The following ACYP2 variants were observed in gnomAD, a reference collection of about 807,000 sequenced individuals.
ACYP2 encodes acylphosphatase-2.
In ACYP2, 12 loss-of-function variants were observed where a neutral mutation model predicts 11.2. The ratio of observed to expected loss-of-function variants is 1.08; its 90% confidence interval spans 0.69 to 1.74. The LOEUF (loss-of-function observed/expected upper bound fraction) is 1.74. ACYP2 is among the 40% of genes most tolerant of loss of function. The pLI, the probability that ACYP2 is intolerant of heterozygous loss-of-function variation, is 0.00. For synonymous variants in ACYP2, 43 were observed against 32.2 expected (o/e 1.33, Z -1.13); for missense variants, 134 against 101.9 (o/e 1.31, Z -1.35).
chr2:53,976,348 C>T (rs1573424738), intron 2 of ACYP2, among the ~76,000 whole-genome samples: 1 of 152,182 alleles, frequency 6.6e-6, no homozygotes, highest in East Asian at 1.9e-4. Context: ...GCTGGGACTA[C>T]AGGTGCATGC....
At chr2:54,108,689 G>A (rs1228621679) in intron 4 of ACYP2, among the ~76,000 whole-genome samples, 1 of 152,144 alleles carries the variant, frequency 6.6e-6, no homozygotes, top group African/African-American at 2.4e-5. Flanking sequence ...ATAGCTCATA[G>A]TCTGGGCACA....
At chr2:54,303,502 C>T (rs945884609) in intron 6 of ACYP2, among the ~76,000 whole-genome samples, 1 of 152,106 alleles carries the variant, frequency 6.6e-6, no homozygotes, top group Admixed American at 6.5e-5. Context: ...TGAGTTTTTT[C>T]TTCAACACAT....
At position 54,286,317 on chromosome 2, in the gene ACYP2, A is replaced by G. The variant is rs187858218; in HGVS notation, c.405-18371A>G. Among the ~76,000 whole-genome samples, 283 of 152,150 alleles carry G rather than the reference A, an allele frequency of 1.9e-3. 7 individuals carry two copies. The highest frequency in any genetic ancestry group is 6.7e-3 in the African/African-American group (277 of 41,406). On this transcript the variant is annotated intron_variant, in intron 6 of 6. Transcript: ENST00000607452. ...TGCCCAACATTGTGAGAGAATATCA[A>G]TGCATATTGCTAGCCTGGAAAAAGA...
chr2:54,236,586 T>G (rs558874413), intron 6 of ACYP2, among the ~76,000 whole-genome samples: 1 of 152,336 alleles, frequency 6.6e-6, no homozygotes, highest in South Asian at 2.1e-4. Flanking sequence ...CTTTGGAATT[T>G]GTGGCAATTT....
rs1455051635 is a variant in ACYP2 at position 54,216,302 on chromosome 2, C to A, written c.404+77554C>A. Among the ~76,000 whole-genome samples, 9 of 152,226 alleles carry A rather than the reference C, an allele frequency of 5.9e-5. 1 individual carries two copies. In the East Asian group the frequency reaches 1.7e-3, roughly 29 times the overall value. On this transcript the variant is annotated intron_variant, in intron 6 of 6. Coordinates refer to ENST00000607452, the MANE Select transcript of ACYP2 (RefSeq NM_001320586.2). The stretch of plus-strand genomic sequence containing the variant: ...ATGCTTCAGTTGATGTCTGGTTGAG[C>A]AAAACCCCTCTTTTTCTCAAAGTTT...
intron 6 of ACYP2, among the ~76,000 whole-genome samples, chr2:54,182,743 C>A (rs1483712229): frequency 6.6e-6 from 1 of 152,164 alleles, no homozygotes; most frequent in African/African-American, 2.4e-5. Flanking sequence ...CTGGCAGAGA[C>A]TCCTTGAATT....
At chr2:54,284,900 A>AC (rs1689013029) in intron 6 of ACYP2, among the ~76,000 whole-genome samples, 1 of 152,034 alleles carries the variant, frequency 6.6e-6, no homozygotes, top group Non-Finnish European at 1.5e-5. Context: ...GACTGTTGAG[A>AC]CCCCCTTCTT....
In ACYP2 at chr2:54,076,593, G is replaced by A. The variant is rs987665256; in HGVS notation, c.277+19233G>A. On this transcript the variant is annotated intron_variant, in intron 4 of 6. Transcript: ENST00000607452. ...TATTAACTAGTCTAGAAGTTTAATA[G>A]ATTTTTATATAGAATATCATTTAGA... Among the ~76,000 whole-genome samples, 3 of 152,184 alleles carry A rather than the reference G, an allele frequency of 2.0e-5. No homozygotes were observed. In the East Asian group the frequency reaches 5.8e-4, roughly 29 times the overall value.
intron 6 of ACYP2, among the ~76,000 whole-genome samples, chr2:54,235,260 A>C (rs997306680): frequency 4.7e-5 from 7 of 150,530 alleles, no homozygotes; most frequent in Non-Finnish European, 8.9e-5. Flanking sequence ...ATTCTCTGGA[A>C]GAATTTATAT....
At chr2:54,267,461 G>C in intron 6 of ACYP2, 1 of 1,163,136 alleles carries the variant, frequency 8.6e-7, no homozygotes, top group Non-Finnish European at 1.2e-6. Context: ...GCTGGGGGAA[G>C]AGTGGTCCTA....
intron 4 of ACYP2, among the ~76,000 whole-genome samples, chr2:54,068,073 C>A (rs1422282363): frequency 6.6e-6 from 1 of 152,136 alleles, no homozygotes; most frequent in African/African-American, 2.4e-5. Flanking sequence ...ACTGATAAGC[C>A]AGCTTAGCTT....
chr2:54,198,064 G>A (rs1215421777), intron 6 of ACYP2, among the ~76,000 whole-genome samples: 1 of 151,594 alleles, frequency 6.6e-6, no homozygotes, highest in Non-Finnish European at 1.5e-5. Context: ...TTGTCACCCA[G>A]GCTGGAGTGC....
At position 54,143,765 on chromosome 2, in the gene ACYP2, G is replaced by T. The variant is rs57274487; in HGVS notation, c.404+5017G>T. ...TTTTTTTTTTTTTTTTTTGGGGGGG[G>T]GGTATTCTATCATGTTTTGATTTTA... On this transcript the variant is annotated intron_variant, in intron 6 of 6. Transcript: ENST00000607452. Among the ~76,000 whole-genome samples, 19 of 125,768 alleles carry T rather than the reference G, an allele frequency of 1.5e-4. 1 individual carries two copies. Among genetic ancestry groups the T allele is most frequent in the East Asian group, 5.1e-4 (2 of 3,916 alleles). 82.5% of individuals were successfully genotyped at this position (125,768 alleles called of 152,430 possible).
chr2:54,099,442 C>G (rs966337901), intron 4 of ACYP2, among the ~76,000 whole-genome samples: 8 of 152,170 alleles, frequency 5.3e-5, no homozygotes, highest in Admixed American at 1.3e-4. Flanking sequence ...AGTCTCCACT[C>G]CCACCCCCAG....
chr2:54,124,668 A>G (rs931273519), intron 4 of ACYP2, among the ~76,000 whole-genome samples: 3 of 152,146 alleles, frequency 2.0e-5, no homozygotes, highest in African/African-American at 2.4e-5. Context: ...GCATGTGTGT[A>G]TTGTTACCAT....
chr2:54,172,162 G>C (rs917624560), intron 6 of ACYP2, among the ~76,000 whole-genome samples: 1 of 152,130 alleles, frequency 6.6e-6, no homozygotes, highest in African/African-American at 2.4e-5. Flanking sequence ...AGGCTGCAGT[G>C]AGCTATAATT....
chr2:54,041,365 T>A (rs901459148), intron 2 of ACYP2, among the ~76,000 whole-genome samples: 14 of 152,172 alleles, frequency 9.2e-5, no homozygotes, highest in African/African-American at 3.1e-4. Context: ...TTCATTCTAT[T>A]TTCTCAGTGA....
At chr2:54,077,155 T>C (rs982530965) in intron 4 of ACYP2, among the ~76,000 whole-genome samples, 7 of 152,232 alleles carry the variant, frequency 4.6e-5, no homozygotes, top group African/African-American at 1.7e-4. Flanking sequence ...AGATACATTT[T>C]CACAAAATAG....
chr2:54,068,211 TGAGA>T (rs895867914), intron 4 of ACYP2, among the ~76,000 whole-genome samples: 37 of 152,216 alleles, frequency 2.4e-4, no homozygotes, highest in African/African-American at 8.2e-4. Flanking sequence ...TTGTTGAATT[TGAGA>T]GAGGAACTGG....
Sources: allele counts gnomAD v4.1 joint callset (sites outside exome capture counted in the v4.1 genomes callset), GRCh38; gene constraint gnomAD v4.1.1; transcripts MANE v1.5; gene names NCBI Gene and HGNC (gene_info 2026-07-23, HGNC 2026-07-21).